The following PDS5B variants were observed in gnomAD, a reference collection of about 807,000 sequenced individuals.
PDS5B encodes PDS5 cohesin associated factor B.
PDS5B carries 51 observed loss-of-function variants against 184.1 expected under a neutral mutation model. The ratio of observed to expected loss-of-function variants is 0.28; its 90% CI spans 0.22 to 0.35. The LOEUF is 0.35. Among genes scored for constraint, PDS5B ranks in the 10% least tolerant of loss-of-function variants. PDS5B has a pLI of 1.00. For missense variants in PDS5B, 1,180 were observed against 1,723.3 expected, an observed-to-expected ratio of 0.68 and a Z score of 5.58; for synonymous variants, 566 against 569.2, an observed-to-expected ratio of 0.99 and a Z score of 0.08.
chr13:32,648,232 A>G (rs1463317677), intron 1 of PDS5B, among the ~76,000 whole-genome samples: 1 of 152,162 alleles, frequency 6.6e-6, no homozygotes, highest in Non-Finnish European at 1.5e-5. Context: ...GGTGGCCTAC[A>G]TTAATGTCAG....
chr13:32,611,654 C>T (rs772765313), intron 1 of PDS5B, among the ~76,000 whole-genome samples: 20 of 151,694 alleles, frequency 1.3e-4, no homozygotes, highest in African/African-American at 2.2e-4. Context: ...ACTACAGGTG[C>T]GTGCCACCAC....
intron 3 of PDS5B, among the ~76,000 whole-genome samples, chr13:32,653,862 C>CT (rs1950431466): frequency 6.6e-6 from 1 of 152,176 alleles, no homozygotes. Flanking sequence ...ACGAGGAAGT[C>CT]TAACTTAAGA....
intron 6 of PDS5B, among the ~76,000 whole-genome samples, chr13:32,662,738 C>T (rs1234995799): frequency 1.3e-5 from 2 of 151,832 alleles, no homozygotes; most frequent in East Asian, 1.9e-4. Context: ...ACAAATTATA[C>T]AAGGAAGAAA....
chr13:32,759,750 C>A, intron 29 of PDS5B, 60 bp downstream of exon 29: 1 of 747,522 alleles, frequency 1.3e-6, no homozygotes, highest in Non-Finnish European at 2.2e-6. Context: ...TGATTATTGG[C>A]AAAATTGTGT....
intron 15 of PDS5B, 65 bp downstream of exon 15, chr13:32,696,967 T>G: frequency 9.9e-7 from 1 of 1,012,658 alleles, no homozygotes; most frequent in Non-Finnish European, 1.5e-6. Flanking sequence ...TAATTTTAAG[T>G]GTTTCATGCA....
At chr13:32,630,802 T>TC (rs1427895124) in intron 1 of PDS5B, among the ~76,000 whole-genome samples, 2 of 151,978 alleles carry the variant, frequency 1.3e-5, no homozygotes, top group African/African-American at 4.8e-5. Context: ...TTTTTTTTTT[T>TC]TTCAGACGGA....
rs1954988929 is a variant in PDS5B, at chr13:32,777,423, TAGG to T, written c.*2372_*2374del. On this transcript the variant is annotated 3_prime_UTR_variant, in exon 35 of 35. Coordinates refer to ENST00000315596, the MANE Select transcript of PDS5B (RefSeq NM_015032.4). Reference sequence around the variant, plus strand: ...GTTTTGATGTCTTGAGTCTCCATCTTAGGGGATTATCTTACGTTTAAGCTTAAC... The same window carrying T: ...GTTTTGATGTCTTGAGTCTCCATCTTGGATTATCTTACGTTTAAGCTTAAC... 1.3e-5 allele frequency: 2 copies of T among 151,376 alleles called. No individual in the cohort carries two copies. The highest frequency in any genetic ancestry group is 1.3e-4 in the Admixed American group (2 of 15,132). 9.4% of individuals were successfully genotyped at this position (151,376 alleles called of 1,614,324 possible). A position where few individuals can be genotyped will look rare whatever the true frequency, so the allele number is the denominator to read the frequency against.
intron 18 of PDS5B, among the ~76,000 whole-genome samples, chr13:32,708,203 G>C (rs570555781): frequency 1.4e-4 from 22 of 152,166 alleles, no homozygotes; most frequent in Non-Finnish European, 2.9e-4. Context: ...AGCAGTCATA[G>C]AGGTGTATGT....
In PDS5B at chr13:32,609,674, C is replaced by A. The variant is rs560049754; in HGVS notation, c.-20+23081C>A. Among the ~76,000 whole-genome samples, 95 of 152,188 alleles carry A rather than the reference C, an allele frequency of 6.2e-4. No individual in the cohort carries two copies. In the Middle Eastern group the frequency reaches 0.01, roughly 16 times the overall value. ...CATTCCAGACATACTTTTTCTTAGC[C>A]CCCTTGTGTAGTAGCAACCCAGTTT... On this transcript the variant is annotated intron_variant, in intron 1 of 34. Transcript: ENST00000315596.
intron 18 of PDS5B, among the ~76,000 whole-genome samples, chr13:32,707,254 T>C (rs1241097564): frequency 6.6e-6 from 1 of 152,162 alleles, no homozygotes; most frequent in East Asian, 1.9e-4. Flanking sequence ...GTACTAATTA[T>C]ATTAAAATAG....
chr13:32,704,027 TAATA>T (rs1951936013), intron 17 of PDS5B, among the ~76,000 whole-genome samples: 1 of 152,226 alleles, frequency 6.6e-6, no homozygotes, highest in South Asian at 2.1e-4. Context: ...TCTTTGCAAT[TAATA>T]AATATTACAT....
At position 32,732,146 on chromosome 13, in the gene PDS5B, C is replaced by T. The variant is rs374386514; in HGVS notation, c.2169C>T (p.Pro723=). ...ATCACAAATCTAAAAAAGGACCCCC[C>T]CGTCAAGCCAAATATGCCATTCATT... ...VLHHKSKKGP[P]RQAKYAIHCI... The change falls in exon 20 of 35, where the codon CCC becomes CCT. Residue 723 remains proline (P), a synonymous_variant. Coordinates refer to ENST00000315596, the MANE Select transcript of PDS5B (RefSeq NM_015032.4). 1.2e-6 allele frequency: 2 copies of T among 1,609,512 alleles called. No homozygotes were observed. The highest frequency in any genetic ancestry group is 2.2e-5 in the East Asian group (1 of 44,712).
chr13:32,611,503 C>CTTTTTTTTTTTTTTT (rs35825698), intron 1 of PDS5B, among the ~76,000 whole-genome samples: 1 of 110,918 alleles, frequency 9.0e-6, no homozygotes, highest in African/African-American at 3.5e-5. Flanking sequence ...TTGGTTAAAA[C>CTTTTTTTTTTTTTTT]TTTTTTTTTT....
chr13:32,618,447 G>A (rs1566251741), intron 1 of PDS5B, among the ~76,000 whole-genome samples: 1 of 151,848 alleles, frequency 6.6e-6, no homozygotes. Context: ...GCTCCATCCT[G>A]TCCAGGATGT....
intron 1 of PDS5B, among the ~76,000 whole-genome samples, chr13:32,605,831 C>A (rs1013083474): frequency 6.6e-6 from 1 of 151,518 alleles, no homozygotes; most frequent in Non-Finnish European, 1.5e-5. Flanking sequence ...TAATGGTCTT[C>A]TTTGTCTCTT....
At chr13:32,740,245 C>A (rs1339595953) in intron 21 of PDS5B, among the ~76,000 whole-genome samples, 1 of 151,974 alleles carries the variant, frequency 6.6e-6, no homozygotes, top group African/African-American at 2.4e-5. Context: ...TCTTTTATTC[C>A]TTTTTGGTAG....
intron 3 of PDS5B, among the ~76,000 whole-genome samples, chr13:32,657,142 G>T (rs1393862137): frequency 6.6e-6 from 1 of 152,128 alleles, no homozygotes; most frequent in Non-Finnish European, 1.5e-5. Context: ...TTAGTTGTCT[G>T]CCCCAATAAT....
intron 1 of PDS5B, among the ~76,000 whole-genome samples, chr13:32,598,261 G>C (rs2057912409): frequency 6.6e-6 from 1 of 151,906 alleles, no homozygotes; most frequent in African/African-American, 2.4e-5. Context: ...TTTTAGTAGA[G>C]ATGGGGTTTC....
chr13:32,698,580 AT>A (rs1386414150), intron 15 of PDS5B, among the ~76,000 whole-genome samples: 2 of 152,172 alleles, frequency 1.3e-5, no homozygotes, highest in Admixed American at 1.3e-4. Flanking sequence ...ATACAGAAGT[AT>A]TTAGGAGGAT....
Sources: gnomAD v4.1 joint callset for allele counts (sites outside exome capture counted in the v4.1 genomes callset) on GRCh38, gnomAD v4.1.1 for gene constraint, MANE v1.5 for transcripts, NCBI Gene and HGNC (gene_info 2026-07-23, HGNC 2026-07-21) for gene names.